The following IREB2 variants were observed in gnomAD, a reference collection of about 807,000 sequenced individuals.
IREB2 encodes the protein iron responsive element binding protein 2.
In IREB2, 39 loss-of-function variants were observed where a neutral mutation model predicts 118.8. The observed-to-expected ratio is 0.33, with a 90% CI of 0.25 to 0.43. The LOEUF (loss-of-function observed/expected upper bound fraction) is 0.43, where lower values mean the gene tolerates loss of function less well. Among genes scored for constraint, IREB2 ranks in the 20% least tolerant of loss-of-function variants. The pLI is 1.00. For synonymous variants in IREB2, 372 were observed against 392.2 expected (o/e 0.95, Z 0.61); for missense variants, 900 against 1,147.3 (o/e 0.78, Z 3.11).
chr15:78,487,781 A>G lies in IREB2; in HGVS notation c.1758A>G (p.Ala586=), dbSNP rs750901297. 1 of 1,608,848 alleles carries G rather than the reference A, an allele frequency of 6.2e-7. No homozygotes were observed. The change falls in exon 14 of 22, where the codon GCA becomes GCG. Residue 586 remains alanine (A), a synonymous_variant. Transcript: ENST00000258886. The part of the protein sequence containing the change: ...YGCSICVGNT[A]PLSDAVLNAV... ...GTTCAATTTGTGTGGGAAATACAGCACCCTTATCAGACGCAGTTTTAAATG... is the reference window on the plus strand; with the variant it reads ...GTTCAATTTGTGTGGGAAATACAGCGCCCTTATCAGACGCAGTTTTAAATG...
intron 10 of IREB2, among the ~76,000 whole-genome samples, chr15:78,481,522 A>ATTTTTT (rs145058390): frequency 1.4e-5 from 2 of 137,988 alleles, no homozygotes; most frequent in African/African-American, 2.7e-5. Context: ...CACCTCGCTA[A>ATTTTTT]TTTTTTTTTT....
Position 78,484,761 on chromosome 15 carries a change from G to C in IREB2, c.1414G>C (p.Val472Leu), listed in dbSNP as rs371178728. ...TATATTTTTGTGGAAATTTGTATAG[G>C]TTGGATTTAAAGGCTTCCAAATTGC... ...SDFQACLNEK[V>L]GFKGFQIAAE... The change falls in exon 12 of 22, where the codon GTT becomes CTT. Residue 472 changes from valine (V) to leucine (L), a missense_variant and splice_region_variant. Transcript: ENST00000258886. 1 of 1,610,392 alleles carries C rather than the reference G, an allele frequency of 6.2e-7. No homozygotes were observed. The highest frequency in any genetic ancestry group is 1.1e-5 in the South Asian group (1 of 90,920).
chr15:78,438,481 G>T, intron 1 of IREB2, 125 bp downstream of exon 1: 3 of 1,121,324 alleles, frequency 2.7e-6, no homozygotes, highest in Non-Finnish European at 4.0e-6. Context: ...CTCGGGTTGT[G>T]CTCCCCTCGG....
chr15:78,457,949 T>G (rs917997640), intron 2 of IREB2, among the ~76,000 whole-genome samples: 8 of 152,176 alleles, frequency 5.3e-5, no homozygotes, highest in Admixed American at 4.6e-4. Flanking sequence ...ATGTTTCTGA[T>G]TGAAGTAAGG....
At chr15:78,456,540 G>A (rs1476324224) in intron 2 of IREB2, among the ~76,000 whole-genome samples, 4 of 151,752 alleles carry the variant, frequency 2.6e-5, no homozygotes, top group South Asian at 2.1e-4. Flanking sequence ...AGTGGTATAC[G>A]CCTGTAGCTC....
rs1171716316 is a variant in IREB2 at position 78,483,937 on chromosome 15, A to G, written c.1413+503A>G. 2.6e-5 allele frequency among the ~76,000 whole-genome samples: 4 copies of G among 152,068 alleles called. 1 individual carries two copies. In the South Asian group the frequency reaches 8.3e-4, roughly 32 times the overall value. ...GTAGTTGGAATTACAGGAGTCTACC[A>G]TCATTCCTGGGTAATTTTTGTATTT... On this transcript the variant is annotated intron_variant, in intron 11 of 21. Coordinates refer to ENST00000258886, the MANE Select transcript of IREB2 (RefSeq NM_004136.4).
intron 4 of IREB2, 145 bp downstream of exon 4, chr15:78,465,533 G>A (rs1016496463): frequency 2.8e-6 from 2 of 712,228 alleles, no homozygotes; most frequent in Non-Finnish European, 4.3e-6. Context: ...GCTAAAACTG[G>A]TGAAAAGTTT....
Position 78,487,780 on chromosome 15 carries a change from C to T in IREB2, c.1757C>T (p.Ala586Val). 1 of 1,608,172 alleles carries T rather than the reference C, an allele frequency of 6.2e-7. No homozygotes were observed. The change falls in exon 14 of 22, where the codon GCA becomes GTA. Residue 586 changes from alanine to valine, a missense_variant. Transcript: ENST00000258886. The part of the protein sequence containing the change: ...YGCSICVGNT[A>V]PLSDAVLNAV... ...TGTTCAATTTGTGTGGGAAATACAGCACCCTTATCAGACGCAGTTTTAAAT... is the reference window on the plus strand; with the variant it reads ...TGTTCAATTTGTGTGGGAAATACAGTACCCTTATCAGACGCAGTTTTAAAT...
At chr15:78,480,869 C>A (rs1197086503) in intron 10 of IREB2, among the ~76,000 whole-genome samples, 1 of 143,396 alleles carries the variant, frequency 7.0e-6, no homozygotes, top group Non-Finnish European at 1.5e-5. Context: ...ATTAGCTGGG[C>A]ATGGTGGCAT....
chr15:78,458,258 C>T (rs967009627), intron 2 of IREB2, among the ~76,000 whole-genome samples: 2 of 152,052 alleles, frequency 1.3e-5, no homozygotes, highest in African/African-American at 4.8e-5. Flanking sequence ...ATACACAACA[C>T]TAAGAGTGAA....
chr15:78,470,367 T>G (rs2051354996), intron 5 of IREB2, among the ~76,000 whole-genome samples, 165 bp from the exon 6 acceptor site: 1 of 152,224 alleles, frequency 6.6e-6, no homozygotes, highest in East Asian at 1.9e-4. Context: ...AAAGCAGAAC[T>G]TTGTTGAAAA....
At chr15:78,449,673 C>T (rs1037382572) in intron 2 of IREB2, among the ~76,000 whole-genome samples, 1 of 152,194 alleles carries the variant, frequency 6.6e-6, no homozygotes, top group Non-Finnish European at 1.5e-5. Context: ...GACCTCTGTA[C>T]TGAGAGATAC....
At chr15:78,458,401 A>G (rs907273666) in intron 2 of IREB2, among the ~76,000 whole-genome samples, 4 of 152,138 alleles carry the variant, frequency 2.6e-5, no homozygotes, top group Non-Finnish European at 4.4e-5. Flanking sequence ...TAGGGAGTAT[A>G]TGGGAAATCT....
chr15:78,446,943 T>G (rs1233679960), intron 2 of IREB2, among the ~76,000 whole-genome samples: 1 of 152,186 alleles, frequency 6.6e-6, no homozygotes, highest in Non-Finnish European at 1.5e-5. Context: ...GTAGATATTA[T>G]TTTTCTTGTT....
At chr15:78,451,256 G>A (rs1018399117) in intron 2 of IREB2, among the ~76,000 whole-genome samples, 3 of 151,724 alleles carry the variant, frequency 2.0e-5, no homozygotes, top group African/African-American at 7.3e-5. Context: ...GTGAGCCACC[G>A]TGCTCAGCCT....
intron 7 of IREB2, among the ~76,000 whole-genome samples, chr15:78,472,194 A>G (rs1304498375): frequency 3.3e-5 from 5 of 152,186 alleles, no homozygotes; most frequent in Non-Finnish European, 5.9e-5. Flanking sequence ...ATACGTCTAC[A>G]AAGTTTGCTT....
At chr15:78,445,141 T>A (rs2568489) in intron 2 of IREB2, among the ~76,000 whole-genome samples, 55,578 of 118,920 alleles carry the variant, frequency 0.47, 10,744 homozygotes, top group African/African-American at 0.49. Context: ...TCTTTATTTT[T>A]TTTTTTTTTT....
At chr15:78,450,643 A>T (rs2141456600) in intron 2 of IREB2, among the ~76,000 whole-genome samples, 1 of 152,178 alleles carries the variant, frequency 6.6e-6, no homozygotes, top group East Asian at 1.9e-4. Context: ...AAGGAGTGAC[A>T]GCTCAATATA....
At chr15:78,444,313 A>T (rs2050893032) in intron 2 of IREB2, among the ~76,000 whole-genome samples, 2 of 152,204 alleles carry the variant, frequency 1.3e-5, no homozygotes, top group African/African-American at 4.8e-5. Context: ...AATTAGAATG[A>T]ACAGCATAAT....
Sources: allele counts gnomAD v4.1 joint callset (sites outside exome capture counted in the v4.1 genomes callset), GRCh38; gene constraint gnomAD v4.1.1; transcripts MANE v1.5; gene names NCBI Gene and HGNC (gene_info 2026-07-23, HGNC 2026-07-21).